FOCAD: variants seen among roughly 807,000 people sequenced by gnomAD.
The protein encoded by FOCAD is focadhesin, also known as KIAA1797.
FOCAD carries 198 observed loss-of-function variants against 225.6 expected under a neutral mutation model. The ratio of observed to expected loss-of-function variants is 0.88; its 90% CI spans 0.78 to 0.99. The LOEUF is 0.99. FOCAD is among the 50% of genes least tolerant of loss of function. The probability of loss-of-function intolerance (pLI) is 0.00; values close to 1 mark genes in which losing one functional copy is unlikely to be tolerated. For synonymous variants in FOCAD, 897 were observed against 755.0 expected (o/e 1.19, Z -3.08); for missense variants, 2,713 against 2,123.6 (o/e 1.28, Z -5.46).
intron 11 of FOCAD, among the ~76,000 whole-genome samples, chr9:20,815,123 G>GTT (rs71334554): frequency 5.9e-5 from 5 of 85,382 alleles, no homozygotes; most frequent in East Asian, 3.0e-4. Context: ...ACTTCTCTTT[G>GTT]TTTTTTTTTT....
At position 20,715,319 on chromosome 9, in the gene FOCAD, C is replaced by T; in HGVS notation, c.-32-3C>T. ...AACAAATATTCTTTTGTTTTGGTTA[C>T]AGAAGCTGCACACATACATGTAAGA... On this transcript the variant is annotated splice_region_variant and splice_polypyrimidine_tract_variant and intron_variant, in intron 1 of 43. Coordinates refer to ENST00000338382, the MANE Select transcript of FOCAD (RefSeq NM_001375567.1). 7.0e-7 allele frequency: 1 copy of T among 1,431,730 alleles called. No individual in the cohort carries two copies. Among genetic ancestry groups the T allele is most frequent in the Non-Finnish European group, 9.3e-7 (1 of 1,069,962 alleles). The allele number at this position is 1,431,730 out of a possible 1,614,324, so 88.7% of individuals were successfully genotyped here.
In FOCAD at chr9:20,929,172, C is replaced by T. The variant is rs111460891; in HGVS notation, c.3079-186C>T. 7.0e-3 allele frequency: 3,831 copies of T among 545,472 alleles called. 97 individuals are homozygous for T. The highest frequency in any genetic ancestry group is 0.058 in the East Asian group (1,946 of 33,814). 33.8% of individuals were successfully genotyped at this position (545,472 alleles called of 1,614,324 possible). A position where few individuals can be genotyped will look rare whatever the true frequency, so the allele number is the denominator to read the frequency against. ...TATTATTAATTATTTAGTAGCAAAACATTTCATTAATAATGAAAACATAAT... is the reference window on the plus strand; with the variant it reads ...TATTATTAATTATTTAGTAGCAAAATATTTCATTAATAATGAAAACATAAT... On this transcript the variant is annotated intron_variant, in intron 26 of 43. Transcript: ENST00000338382.
At position 20,990,309 on chromosome 9, in the gene FOCAD, A is replaced by G; in HGVS notation, c.5191A>G (p.Thr1731Ala). The change falls in exon 42 of 44, where the codon ACT (threonine) becomes GCT (alanine). Residue 1731 changes from threonine (T) to alanine (A), a missense_variant. Coordinates refer to ENST00000338382, the MANE Select transcript of FOCAD (RefSeq NM_001375567.1). ...CAGGGTCACTCTGCAGGAGGTTCTC[A>G]CTCTCCTTCCCAATAGCATGGCTCT... Reference protein sequence around the residue: ...MHRVTLQEVLTLLPNSMALLL... With the variant: ...MHRVTLQEVLALLPNSMALLL... 6.2e-7 allele frequency: 1 copy of G among 1,613,658 alleles called. No individual in the cohort carries two copies. The highest frequency in any genetic ancestry group is 8.5e-7 in the Non-Finnish European group (1 of 1,179,932).
chr9:20,925,654 G>T (rs896511167), intron 25 of FOCAD, among the ~76,000 whole-genome samples: 4 of 152,204 alleles, frequency 2.6e-5, no homozygotes, highest in Admixed American at 6.5e-5. Context: ...GTTAATGAAT[G>T]CTTTTGACAT....
intron 28 of FOCAD, among the ~76,000 whole-genome samples, chr9:20,937,953 T>A (rs1380427860): frequency 6.6e-6 from 1 of 152,152 alleles, no homozygotes; most frequent in Admixed American, 6.5e-5. Context: ...AGAAGACATT[T>A]ATGCAGCCAA....
intron 15 of FOCAD, among the ~76,000 whole-genome samples, chr9:20,846,154 G>C (rs987786584): frequency 6.6e-6 from 1 of 152,198 alleles, no homozygotes; most frequent in East Asian, 1.9e-4. Flanking sequence ...CACTTCCTCA[G>C]CCTCGTGTGC....
chr9:20,979,140 C>G (rs1368424726), intron 37 of FOCAD, among the ~76,000 whole-genome samples: 1 of 152,194 alleles, frequency 6.6e-6, no homozygotes, highest in Non-Finnish European at 1.5e-5. Context: ...AGGTTTCAAA[C>G]TAGAACAGAA....
intron 21 of FOCAD, among the ~76,000 whole-genome samples, chr9:20,899,853 C>G (rs1037704561): frequency 6.6e-6 from 1 of 151,712 alleles, no homozygotes; most frequent in Admixed American, 6.6e-5. Context: ...ATCATAGACC[C>G]AAGTTTGATT....
At chr9:20,854,643 A>T (rs1827987139) in intron 15 of FOCAD, among the ~76,000 whole-genome samples, 1 of 151,772 alleles carries the variant, frequency 6.6e-6, no homozygotes, top group African/African-American at 2.4e-5. Context: ...TTGCGGAAGA[A>T]TGACATGGGA....
At chr9:20,799,152 C>G (rs1161883532) in intron 11 of FOCAD, among the ~76,000 whole-genome samples, 1 of 152,088 alleles carries the variant, frequency 6.6e-6, no homozygotes, top group East Asian at 1.9e-4. Flanking sequence ...TGTAGTTGAG[C>G]GGTTTTGAGT....
intron 6 of FOCAD, among the ~76,000 whole-genome samples, chr9:20,764,581 C>G (rs188639048): frequency 1.3e-5 from 2 of 152,288 alleles, no homozygotes; most frequent in East Asian, 1.9e-4. Context: ...TCACTAAACA[C>G]TGATTTCAGA....
intron 15 of FOCAD, among the ~76,000 whole-genome samples, chr9:20,850,452 A>G (rs983124184): frequency 1.2e-4 from 18 of 151,890 alleles, no homozygotes; most frequent in African/African-American, 4.1e-4. Context: ...ATGATGGTAG[A>G]TATAAATTGC....
At chr9:20,798,932 G>A (rs1238500529) in intron 11 of FOCAD, among the ~76,000 whole-genome samples, 2 of 152,014 alleles carry the variant, frequency 1.3e-5, no homozygotes, top group Non-Finnish European at 2.9e-5. Context: ...TCTTTTAATT[G>A]TGATATTAGG....
chr9:20,805,317 A>T (rs912723707), intron 11 of FOCAD, among the ~76,000 whole-genome samples: 21 of 152,204 alleles, frequency 1.4e-4, no homozygotes, highest in Admixed American at 1.4e-3. Context: ...GTGAAGCTTT[A>T]TAACACAGTT....
rs1283167367 is a variant in FOCAD at position 20,953,074 on chromosome 9, G to A, written c.4132+9G>A. The stretch of plus-strand genomic sequence containing the variant: ...TACAGGAGGAAAAAAAGGCAAGTGA[G>A]CACATTTCTTGAATTTTATCATTCT... On this transcript the variant is annotated intron_variant, in intron 35 of 43. Coordinates refer to ENST00000338382, the MANE Select transcript of FOCAD (RefSeq NM_001375567.1). 2 of 1,606,810 alleles carry A rather than the reference G, an allele frequency of 1.2e-6. No homozygotes were observed. The highest frequency in any genetic ancestry group is 8.5e-7 in the Non-Finnish European group (1 of 1,175,074).
intron 2 of FOCAD, among the ~76,000 whole-genome samples, chr9:20,661,394 C>G (rs567445122): frequency 1.3e-5 from 2 of 152,260 alleles, no homozygotes; most frequent in South Asian, 4.1e-4. Context: ...TGTCTCAAGA[C>G]TGGGTTTTGC....
At chr9:20,721,150 A>T (rs1586938024) in intron 4 of FOCAD, among the ~76,000 whole-genome samples, 1 of 152,336 alleles carries the variant, frequency 6.6e-6, no homozygotes, top group Middle Eastern at 3.4e-3. Context: ...AGCCTCTGTT[A>T]TAAAATACTC....
At chr9:20,832,292 A>C (rs1825575940) in intron 15 of FOCAD, among the ~76,000 whole-genome samples, 1 of 152,018 alleles carries the variant, frequency 6.6e-6, no homozygotes, top group Non-Finnish European at 1.5e-5. Flanking sequence ...TCTGTTTTAC[A>C]TTCTCTCCAA....
chr9:20,866,906 T>TTTTTTTTTTTTTTTTTC, intron 17 of FOCAD, 23 bp from the exon 18 acceptor site: 1 of 844,326 alleles, frequency 1.2e-6, no homozygotes, highest in Non-Finnish European at 1.7e-6. Context: ...TTTTTTTTTT[T>TTTTTTTTTTTTTTTTTC]TTTTTTTTTT....
Sources: allele counts gnomAD v4.1 joint callset (sites outside exome capture counted in the v4.1 genomes callset), GRCh38; gene constraint gnomAD v4.1.1; transcripts MANE v1.5; gene names NCBI Gene and HGNC (gene_info 2026-07-23, HGNC 2026-07-21).